DCAF6: variants seen among roughly 807,000 people sequenced by gnomAD.
DCAF6 encodes the protein DDB1 and CUL4 associated factor 6, also known as DDB1- and CUL4-associated factor 6.
Under a neutral mutation model 125.1 loss-of-function variants are expected in DCAF6, and 54 were observed. The observed-to-expected ratio is 0.43, with a 90% CI of 0.35 to 0.54. DCAF6 has a LOEUF of 0.54. Ranked by LOEUF, DCAF6 falls within the 20% of genes least tolerant of loss-of-function variation. DCAF6 has a pLI of 0.01. For synonymous variants in DCAF6, 371 were observed against 390.4 expected (o/e 0.95, Z 0.58); for missense variants, 934 against 1,161.7 (o/e 0.80, Z 2.85).
chr1:167,889,443 G>T, the DCAF6 span, among the ~76,000 whole-genome samples: 1 of 152,054 alleles, frequency 6.6e-6, no homozygotes, highest in Non-Finnish European at 1.5e-5. Flanking sequence ...CATGATGGAT[G>T]ATCTTTTTAA....
Position 167,974,898 on chromosome 1 carries a change from T to C in DCAF6, c.321T>C (p.Asn107=), listed in dbSNP as rs375511404. 1 of 1,607,772 alleles carries C rather than the reference T, an allele frequency of 6.2e-7. No individual in the cohort carries two copies. Among genetic ancestry groups the C allele is most frequent in the East Asian group, 2.2e-5 (1 of 44,634 alleles). ...IFSAKFLPCT[N]DKQIVSCSGD... ...GTGCAAAGTTCTTACCTTGTACAAATGATAAACAGATTGTATCCTGCTCTG... is the reference window on the plus strand; with the variant it reads ...GTGCAAAGTTCTTACCTTGTACAAACGATAAACAGATTGTATCCTGCTCTG... The change falls in exon 4 of 22, where the codon AAT becomes AAC. Residue 107 remains asparagine (N), a synonymous_variant. Coordinates refer to ENST00000367840, the MANE Select transcript of DCAF6 (RefSeq NM_001198956.2).
At chr1:167,899,805 G>T in the DCAF6 span, among the ~76,000 whole-genome samples, 1 of 152,152 alleles carries the variant, frequency 6.6e-6, no homozygotes, top group Non-Finnish European at 1.5e-5. Flanking sequence ...GCCTTCCAAA[G>T]CTCCCCTTCT....
chr1:167,934,698 T>C (rs1304578968), upstream of DCAF6, among the ~76,000 whole-genome samples: 6 of 152,206 alleles, frequency 3.9e-5, no homozygotes, highest in Non-Finnish European at 8.8e-5. Context: ...TGATACCAAC[T>C]ACAGAATACA....
chr1:167,873,447 C>G, the DCAF6 span, among the ~76,000 whole-genome samples: 1 of 152,172 alleles, frequency 6.6e-6, no homozygotes, highest in Non-Finnish European at 1.5e-5. Context: ...AGAGCCTCCT[C>G]TTAATTGCCT....
chr1:167,869,069 A>T, the DCAF6 span, among the ~76,000 whole-genome samples: 49 of 152,362 alleles, frequency 3.2e-4, no homozygotes, highest in African/African-American at 1.2e-3. Context: ...GCAAGTAGTT[A>T]AAGACGTAGT....
chr1:167,936,174 G>A (rs1671185927), upstream of DCAF6: 2 of 284,626 alleles, frequency 7.0e-6, no homozygotes, highest in Admixed American at 9.9e-5. Flanking sequence ...GCTTGCGCAG[G>A]CCGAGCTGCC....
chr1:168,005,786 A>G (rs1683252155), intron 10 of DCAF6, among the ~76,000 whole-genome samples: 1 of 152,112 alleles, frequency 6.6e-6, no homozygotes, highest in African/African-American at 2.4e-5. Context: ...TTAGTAATTC[A>G]TTTTCAGTTT....
At chr1:168,065,850 ACTAT>A in intron 19 of DCAF6, 104 bp downstream of exon 19, 1 of 1,087,716 alleles carries the variant, frequency 9.2e-7, no homozygotes, top group South Asian at 2.0e-5. Context: ...AATAATCCAA[ACTAT>A]CTGACTAGGC....
At chr1:167,911,000 A>C in the DCAF6 span, among the ~76,000 whole-genome samples, 3 of 152,022 alleles carry the variant, frequency 2.0e-5, no homozygotes, top group Admixed American at 6.6e-5. Flanking sequence ...GCAATACCAC[A>C]CTCTCCTCAC....
At chr1:168,016,529 C>T (rs1684995691) in intron 11 of DCAF6, among the ~76,000 whole-genome samples, 1 of 152,184 alleles carries the variant, frequency 6.6e-6, no homozygotes, top group African/African-American at 2.4e-5. Context: ...AAGTACTCCA[C>T]AGTCTCATGT....
chr1:167,956,189 T>G (rs1674759507), intron 2 of DCAF6, among the ~76,000 whole-genome samples: 1 of 152,144 alleles, frequency 6.6e-6, no homozygotes, highest in African/African-American at 2.4e-5. Flanking sequence ...CATTGCTGGA[T>G]TTTGCCAAGT....
intron 17 of DCAF6, chr1:168,056,340 G>C (rs1447815139): frequency 3.1e-6 from 5 of 1,587,518 alleles, no homozygotes; most frequent in Middle Eastern, 2.3e-4. Flanking sequence ...CCAGGGCCTC[G>C]GCGGGCAGGG....
the DCAF6 span, chr1:167,899,320 A>G: frequency 8.5e-7 from 1 of 1,177,534 alleles, no homozygotes; most frequent in Non-Finnish European, 1.3e-6. Flanking sequence ...CCCAATCTCC[A>G]GCCCAGGAGC....
chr1:168,031,905 A>G (rs1346895438), intron 12 of DCAF6, among the ~76,000 whole-genome samples: 2 of 152,218 alleles, frequency 1.3e-5, no homozygotes, highest in African/African-American at 4.8e-5. Context: ...CTGGTTCTGA[A>G]GTAGGAGAAA....
At chr1:168,061,244 C>G (rs990676376) in intron 17 of DCAF6, among the ~76,000 whole-genome samples, 4 of 152,036 alleles carry the variant, frequency 2.6e-5, no homozygotes, top group Non-Finnish European at 4.4e-5. Context: ...TGTGGAGATT[C>G]CTTTTTCTTT....
chr1:167,937,935 TA>T (rs1176763309), intron 1 of DCAF6, among the ~76,000 whole-genome samples: 1 of 152,206 alleles, frequency 6.6e-6, no homozygotes, highest in East Asian at 1.9e-4. Context: ...ACTTGCTAGT[TA>T]AAAAGTGTTT....
intron 13 of DCAF6, among the ~76,000 whole-genome samples, chr1:168,041,052 C>T (rs1200991714): frequency 6.6e-6 from 1 of 151,876 alleles, no homozygotes; most frequent in Non-Finnish European, 1.5e-5. Flanking sequence ...GTTTTTGAAT[C>T]TCTCTAAATC....
intron 21 of DCAF6, among the ~76,000 whole-genome samples, chr1:168,071,010 G>A (rs1216467497): frequency 6.6e-6 from 1 of 152,110 alleles, no homozygotes; most frequent in African/African-American, 2.4e-5. Flanking sequence ...ATCCTATTGA[G>A]ATCACAATCA....
the DCAF6 span, chr1:167,902,052 C>T: frequency 6.2e-7 from 1 of 1,603,642 alleles, no homozygotes; most frequent in East Asian, 2.2e-5. Flanking sequence ...AAAATCAACA[C>T]TTCTGAGAAA....
Sources: gnomAD v4.1 joint callset for allele counts (sites outside exome capture counted in the v4.1 genomes callset) on GRCh38, gnomAD v4.1.1 for gene constraint, MANE v1.5 for transcripts, NCBI Gene and HGNC (gene_info 2026-07-23, HGNC 2026-07-21) for gene names.